The following ONECUT1 variants were observed in gnomAD, a reference collection of about 807,000 sequenced individuals.
The protein encoded by ONECUT1 is hepatocyte nuclear factor 6.
Under a neutral mutation model 25.6 loss-of-function variants are expected in ONECUT1, and 12 were observed. The observed-to-expected ratio is 0.47, with a 90% CI of 0.30 to 0.76. The LOEUF (loss-of-function observed/expected upper bound fraction) is 0.76. Among genes scored for constraint, ONECUT1 ranks in the 30% least tolerant of loss-of-function variants. The pLI is 0.07. For synonymous variants in ONECUT1, 285 were observed against 270.2 expected, an observed-to-expected ratio of 1.05 and a Z score of -0.54; for missense variants, 620 against 651.2, an observed-to-expected ratio of 0.95 and a Z score of 0.52.
chr15:52,788,657 C>G lies in ONECUT1; in HGVS notation c.1105+123G>C. On this transcript the variant is annotated intron_variant, in intron 1 of 1. Coordinates refer to ENST00000305901, the MANE Select transcript of ONECUT1 (RefSeq NM_004498.4). The surrounding 1 kb of genome is among the most constrained non-coding windows in gnomAD (Gnocchi z 4.3). The stretch of plus-strand genomic sequence containing the variant: ...GCCCTTCCAGGCACAGGGAGTCCCC[C>G]TTCTAGGGGTAGGGGCGGGCGGGAT... 1 of 1,105,968 alleles carries G rather than the reference C, an allele frequency of 9.0e-7. No individual in the cohort carries two copies. Among genetic ancestry groups the G allele is most frequent in the Non-Finnish European group, 1.3e-6 (1 of 784,652 alleles). The allele number at this position is 1,105,968 out of a possible 1,614,324, so 68.5% of individuals were successfully genotyped here.
chr15:52,781,585 G>C (rs1187985617), intron 1 of ONECUT1, among the ~76,000 whole-genome samples: 1 of 152,176 alleles, frequency 6.6e-6, no homozygotes, highest in Admixed American at 6.5e-5. Context: ...GGGCATCACT[G>C]TTTTCCAGTG....
chr15:52,769,576 G>T (rs952219507), intron 1 of ONECUT1, among the ~76,000 whole-genome samples: 8 of 152,188 alleles, frequency 5.3e-5, no homozygotes, highest in South Asian at 2.1e-4. Flanking sequence ...GTAAAGGTTG[G>T]CTGAGTCCTT....
chr15:52,768,597 G>T (rs2083748590), intron 1 of ONECUT1, among the ~76,000 whole-genome samples: 1 of 152,158 alleles, frequency 6.6e-6, no homozygotes, highest in African/African-American at 2.4e-5. Context: ...ATTGTGAATT[G>T]TAAGTCTTAG....
rs1035433645 is a variant in ONECUT1, at chr15:52,780,738, T to C, written c.1105+8042A>G. The C allele has an allele frequency of 6.7e-6, 10 of 1,496,856 alleles. No individual in the cohort carries two copies. In the Admixed American group the frequency reaches 1.8e-4, roughly 28 times the overall value. 92.7% of individuals were successfully genotyped at this position (1,496,856 alleles called of 1,614,324 possible). A position where few individuals can be genotyped will look rare whatever the true frequency, so the allele number is the denominator to read the frequency against. On this transcript the variant is annotated intron_variant, in intron 1 of 1. Coordinates refer to ENST00000305901, the MANE Select transcript of ONECUT1 (RefSeq NM_004498.4). ...TCGTTTGTTTATTTAATTTTCCCCA[T>C]TGATCTGTTTTAGAAGACAACAGGA...
chr15:52,780,710 C>T, intron 1 of ONECUT1: 1 of 1,505,420 alleles, frequency 6.6e-7, no homozygotes, highest in Non-Finnish European at 8.8e-7. Flanking sequence ...TGGCGCGCTT[C>T]GCTCGTTTGT....
intron 1 of ONECUT1, among the ~76,000 whole-genome samples, chr15:52,770,826 T>C (rs1017966102): frequency 1.3e-5 from 2 of 152,026 alleles, no homozygotes; most frequent in Non-Finnish European, 2.9e-5. Context: ...TAAAAGAACA[T>C]CCAGGGCAAA....
chr15:52,790,149 TAA>T lies in ONECUT1; in HGVS notation c.-267_-266del. 1 of 428,352 alleles carries T rather than the reference TAA, an allele frequency of 2.3e-6. No homozygotes were observed. The highest frequency in any genetic ancestry group is 3.8e-6 in the Non-Finnish European group (1 of 260,910). 26.5% of individuals were successfully genotyped at this position (428,352 alleles called of 1,614,324 possible). The stretch of plus-strand genomic sequence containing the variant: ...TCCTCGGCTTTTTTTTTTTTAATAT[TAA>T]TTTCCAAAGAGGATCCGCGCCGTTG... On this transcript the variant is annotated 5_prime_UTR_variant, in exon 1 of 2. Transcript: ENST00000305901.
At chr15:52,760,046 A>G (rs2083696888) in intron 1 of ONECUT1, among the ~76,000 whole-genome samples, 1 of 152,196 alleles carries the variant, frequency 6.6e-6, no homozygotes, top group Admixed American at 6.5e-5. Flanking sequence ...AAGAGTGATA[A>G]TTTCAGAATG....
chr15:52,765,907 G>A (rs1457404723), intron 1 of ONECUT1, among the ~76,000 whole-genome samples: 3 of 152,196 alleles, frequency 2.0e-5, no homozygotes, highest in Non-Finnish European at 2.9e-5. Context: ...TAATTGATAC[G>A]GCCAAGGAAA....
intron 1 of ONECUT1, among the ~76,000 whole-genome samples, chr15:52,778,231 G>A (rs2141458689): frequency 6.6e-6 from 1 of 152,262 alleles, no homozygotes; most frequent in Admixed American, 6.5e-5. Flanking sequence ...GGGTGTTCTT[G>A]CCTCTTATCT....
chr15:52,768,234 G>A (rs2083746586), intron 1 of ONECUT1, among the ~76,000 whole-genome samples: 1 of 152,202 alleles, frequency 6.6e-6, no homozygotes, highest in Non-Finnish European at 1.5e-5. Context: ...TGCTTGAAGT[G>A]ATGGATACCC....
intron 1 of ONECUT1, among the ~76,000 whole-genome samples, chr15:52,765,980 G>C (rs2083731773): frequency 1.3e-5 from 2 of 152,206 alleles, no homozygotes; most frequent in African/African-American, 4.8e-5. Flanking sequence ...AGCAGAGGGA[G>C]GTGGAGCCCA....
chr15:52,785,445 C>G (rs1407609359), intron 1 of ONECUT1, among the ~76,000 whole-genome samples: 2 of 152,184 alleles, frequency 1.3e-5, no homozygotes, highest in Non-Finnish European at 1.5e-5. Context: ...TTGGAGGTTT[C>G]CTCGCCTCCA....
At chr15:52,759,742 G>GCTA in intron 1 of ONECUT1, among the ~76,000 whole-genome samples, 1 of 151,578 alleles carries the variant, frequency 6.6e-6, no homozygotes, top group African/African-American at 2.4e-5. Context: ...TGGCACTACA[G>GCTA]GTGCGTGCTG....
At chr15:52,780,973 C>A (rs1390545079) in intron 1 of ONECUT1, 3 of 967,194 alleles carry the variant, frequency 3.1e-6, no homozygotes, top group Non-Finnish European at 3.9e-6. Flanking sequence ...GCCCTCTAGA[C>A]AACTCCCAGC....
chr15:52,785,500 C>G (rs1372240853), intron 1 of ONECUT1, among the ~76,000 whole-genome samples: 1 of 152,230 alleles, frequency 6.6e-6, no homozygotes, highest in African/African-American at 2.4e-5. Flanking sequence ...CACCCCCGCC[C>G]GAACCTCGGG....
Position 52,777,733 on chromosome 15 carries a change from C to CAAA in ONECUT1, c.1105+11046_1105+11047insTTT, listed in dbSNP as rs1402130601. ...ACACACACACACACACACACACACA[C>CAAA]ACACAAAAAAACATGTAAAGTTATT... On this transcript the variant is annotated intron_variant, in intron 1 of 1. Coordinates refer to ENST00000305901, the MANE Select transcript of ONECUT1 (RefSeq NM_004498.4). Among the ~76,000 whole-genome samples the CAAA allele has an allele frequency of 3.5e-4, 30 of 85,256 alleles. 3 individuals carry two copies. The East Asian group carries it at 3.7e-3, about 11-fold the overall frequency. The allele number at this position is 85,256 out of a possible 152,430, so 55.9% of individuals were successfully genotyped here.
At chr15:52,762,778 A>T (rs1162169257) in intron 1 of ONECUT1, among the ~76,000 whole-genome samples, 1 of 152,240 alleles carries the variant, frequency 6.6e-6, no homozygotes, top group African/African-American at 2.4e-5. Flanking sequence ...ACTAAAGCTT[A>T]CTGAGAGTCA....
chr15:52,789,621 G>A lies in ONECUT1; in HGVS notation c.264C>T (p.Thr88=), dbSNP rs748547535. 4 of 1,561,090 alleles carry A rather than the reference G, an allele frequency of 2.6e-6. No individual in the cohort carries two copies. The East Asian group carries it at 6.8e-5, about 27-fold the overall frequency. Residue 88 remains threonine (T), a synonymous_variant, in exon 1 of 2, where the codon ACC becomes ACT. Coordinates refer to ENST00000305901, the MANE Select transcript of ONECUT1 (RefSeq NM_004498.4). The surrounding 1 kb of genome is among the most constrained non-coding windows in gnomAD (Gnocchi z 4.1). ...SLAGPLHPTM[T]MACETPPGMS... ...TACCTGGGGGAGTCTCGCAGGCCAT[G>A]GTCATGGTGGGATGCAGGGGGCCGG...
Sources: gnomAD v4.1 joint callset for allele counts (sites outside exome capture counted in the v4.1 genomes callset) on GRCh38, gnomAD v4.1.1 for gene constraint, Gnocchi (gnomAD v3.1) non-coding constraint, MANE v1.5 for transcripts, NCBI Gene and HGNC (gene_info 2026-07-23, HGNC 2026-07-21) for gene names.